The following PCED1B variants were observed in gnomAD, a reference collection of about 807,000 sequenced individuals.
The protein encoded by PCED1B is PC-esterase domain-containing protein 1B.
For synonymous variants in PCED1B, 251 were observed against 246.1 expected (o/e 1.02, Z -0.19); for missense variants, 573 against 573.9 (o/e 1.00, Z 0.02).
At chr12:47,116,271 C>T (rs1939414853) in intron 2 of PCED1B, among the ~76,000 whole-genome samples, 2 of 152,142 alleles carry the variant, frequency 1.3e-5, no homozygotes, top group South Asian at 2.1e-4. Context: ...AAGCTCTGTC[C>T]TCACCAATAA....
chr12:47,126,901 G>A (rs754626758), intron 2 of PCED1B, among the ~76,000 whole-genome samples: 13 of 151,772 alleles, frequency 8.6e-5, no homozygotes, highest in Non-Finnish European at 1.6e-4. Context: ...CTTCTTTTTC[G>A]TTGTTTTGGC....
intron 2 of PCED1B, among the ~76,000 whole-genome samples, chr12:47,201,744 G>A (rs1360059276): frequency 6.6e-6 from 1 of 152,054 alleles, no homozygotes; most frequent in African/African-American, 2.4e-5. Context: ...GACTACAGGT[G>A]TGCACAACCA....
chr12:47,097,291 A>G (rs1456686784), intron 1 of PCED1B, among the ~76,000 whole-genome samples: 2 of 152,228 alleles, frequency 1.3e-5, no homozygotes. Context: ...ACATTTAATT[A>G]CAACTTCTTA....
intron 2 of PCED1B, among the ~76,000 whole-genome samples, chr12:47,145,097 C>T (rs1396895316): frequency 1.3e-5 from 2 of 152,222 alleles, no homozygotes; most frequent in South Asian, 2.1e-4. Context: ...AACATACAAA[C>T]GATAAGAAAG....
chr12:47,147,177 A>ATTTG (rs1165490591), intron 2 of PCED1B, among the ~76,000 whole-genome samples: 2 of 150,696 alleles, frequency 1.3e-5, no homozygotes, highest in South Asian at 2.1e-4. Flanking sequence ...ATTTTTGTTT[A>ATTTG]TTTGTTTGTT....
intron 2 of PCED1B, among the ~76,000 whole-genome samples, chr12:47,111,496 C>T (rs1191172401): frequency 1.3e-5 from 2 of 152,100 alleles, no homozygotes; most frequent in African/African-American, 4.8e-5. Context: ...AGTACATTCA[C>T]TTTATTGTGC....
chr12:47,236,044 C>T lies in PCED1B; in HGVS notation c.981C>T (p.His327=), dbSNP rs1400696221. 6.2e-7 allele frequency: 1 copy of T among 1,613,914 alleles called. No individual in the cohort carries two copies. Among genetic ancestry groups the T allele is most frequent in the Non-Finnish European group, 8.5e-7 (1 of 1,180,010 alleles). The stretch of plus-strand genomic sequence containing the variant: ...AGCCTCCTCCTCCCATTCTCCATCA[C>T]CAGGGAATGCCCCGGTTCCCACAGG... ...SPQPPPPILH[H]QGMPRFPQGP... The change falls in exon 4 of 4, where the codon CAC becomes CAT. Residue 327 remains histidine, a synonymous_variant. Transcript: ENST00000546455.
intron 2 of PCED1B, among the ~76,000 whole-genome samples, chr12:47,123,621 TA>T: frequency 6.6e-6 from 1 of 152,046 alleles, no homozygotes. Context: ...TATATTCAAG[TA>T]AAAACTCAGT....
intron 2 of PCED1B, among the ~76,000 whole-genome samples, chr12:47,206,995 C>T (rs144507736): frequency 5.3e-5 from 8 of 152,198 alleles, no homozygotes; most frequent in Admixed American, 4.6e-4. Flanking sequence ...CCAACTGAAG[C>T]TGAACTCAAC....
At chr12:47,125,820 T>C (rs1012419544) in intron 2 of PCED1B, among the ~76,000 whole-genome samples, 1 of 152,112 alleles carries the variant, frequency 6.6e-6, no homozygotes, top group Non-Finnish European at 1.5e-5. Flanking sequence ...TGCCAGTGCA[T>C]AGAAATACAA....
intron 2 of PCED1B, among the ~76,000 whole-genome samples, chr12:47,139,408 A>G (rs11183757): frequency 0.54 from 81,899 of 151,680 alleles, 23,727 homozygotes; most frequent in Non-Finnish European, 0.63. Flanking sequence ...TCTCTAAGGA[A>G]AAGGGAGTAC....
At chr12:47,145,539 T>C (rs4544084) in intron 2 of PCED1B, among the ~76,000 whole-genome samples, 87,181 of 151,944 alleles carry the variant, frequency 0.57, 25,789 homozygotes, top group Admixed American at 0.64. Context: ...GGACAGGCTG[T>C]CTTTTTAGGT....
At chr12:47,164,269 T>C (rs959812616) in intron 2 of PCED1B, among the ~76,000 whole-genome samples, 1 of 152,224 alleles carries the variant, frequency 6.6e-6, no homozygotes, top group Admixed American at 6.5e-5. Flanking sequence ...TCTGAGAGCC[T>C]GTGAAATTTT....
At chr12:47,178,866 C>CAAA (rs35135157) in intron 2 of PCED1B, among the ~76,000 whole-genome samples, 9 of 81,250 alleles carry the variant, frequency 1.1e-4, no homozygotes, top group South Asian at 3.6e-4. Context: ...GACTCCATCT[C>CAAA]AAAAAAAAAA....
At chr12:47,125,995 A>C (rs990251440) in intron 2 of PCED1B, among the ~76,000 whole-genome samples, 2 of 152,048 alleles carry the variant, frequency 1.3e-5, no homozygotes, top group African/African-American at 4.8e-5. Flanking sequence ...TTCTTTCAAA[A>C]ATCACATTTT....
chr12:47,230,108 C>A (rs1366132028), intron 3 of PCED1B, among the ~76,000 whole-genome samples: 2 of 102,116 alleles, frequency 2.0e-5, no homozygotes, highest in Admixed American at 2.2e-4. Flanking sequence ...TTTTTTGAGA[C>A]GGAGTCTCAC....
At position 47,202,425 on chromosome 12, in the gene PCED1B, C is replaced by G. The variant is rs570365777; in HGVS notation, c.-525-13797C>G. On this transcript the variant is annotated intron_variant, in intron 2 of 3. Coordinates refer to ENST00000546455, the MANE Select transcript of PCED1B (RefSeq NM_138371.3). ...CTACAGCTAGAAGAGAAAGTCTGTT[C>G]CTAAGGCGAAGATAGTTTCAGAACT... 1.1e-4 allele frequency among the ~76,000 whole-genome samples: 17 copies of G among 152,050 alleles called. No individual in the cohort carries two copies. The East Asian group carries it at 2.5e-3, about 22-fold the overall frequency.
At chr12:47,086,887 G>A (rs1252659577) in intron 1 of PCED1B, among the ~76,000 whole-genome samples, 1 of 152,168 alleles carries the variant, frequency 6.6e-6, no homozygotes, top group Non-Finnish European at 1.5e-5. Context: ...TGGATTTCCT[G>A]TAGCAGTAAC....
At chr12:47,102,608 T>A (rs1938758418) in intron 1 of PCED1B, among the ~76,000 whole-genome samples, 1 of 152,206 alleles carries the variant, frequency 6.6e-6, no homozygotes. Context: ...TAGTTTCATA[T>A]GGCACAAGCT....
Sources: allele counts gnomAD v4.1 joint callset (sites outside exome capture counted in the v4.1 genomes callset), GRCh38; gene constraint gnomAD v4.1.1; transcripts MANE v1.5; gene names NCBI Gene and HGNC (gene_info 2026-07-23, HGNC 2026-07-21).